Variants in CYTH1 observed in about 807,000 individuals in gnomAD.
CYTH1 encodes the protein cytohesin 1.
A neutral mutation model predicts 61.8 loss-of-function variants in CYTH1; 18 were observed. The ratio of observed to expected loss-of-function variants is 0.29; its 90% confidence interval spans 0.20 to 0.43. CYTH1 has a LOEUF of 0.43. Ranked by LOEUF, CYTH1 falls within the 20% of genes least tolerant of loss-of-function variation. CYTH1 has a pLI of 1.00. For missense variants in CYTH1, 336 were observed against 510.5 expected, an observed-to-expected ratio of 0.66 and a Z score of 3.29; for synonymous variants, 174 against 184.3, an observed-to-expected ratio of 0.94 and a Z score of 0.45.
intron 1 of CYTH1, among the ~76,000 whole-genome samples, chr17:78,715,800 T>C (rs1460869500): frequency 6.6e-6 from 1 of 152,180 alleles, no homozygotes; most frequent in Non-Finnish European, 1.5e-5. Context: ...GTCATGGTGC[T>C]GGTCGCTGGT....
intron 3 of CYTH1, among the ~76,000 whole-genome samples, chr17:78,707,331 G>C (rs573355767): frequency 1.1e-4 from 16 of 152,146 alleles, no homozygotes; most frequent in African/African-American, 3.9e-4. Context: ...GTCAGAAAAC[G>C]GTCTGGGAAC....
At chr17:78,778,025 G>A (rs1422202773) in intron 1 of CYTH1, among the ~76,000 whole-genome samples, 1 of 152,080 alleles carries the variant, frequency 6.6e-6, no homozygotes, top group African/African-American at 2.4e-5. Flanking sequence ...GGTTTAGGCT[G>A]GGCTTGGTGG....
chr17:78,734,761 A>G (rs1364638225), intron 1 of CYTH1, among the ~76,000 whole-genome samples: 1 of 152,096 alleles, frequency 6.6e-6, no homozygotes, highest in Non-Finnish European at 1.5e-5. Context: ...TTTTTAACCT[A>G]AAAATTGTGG....
At chr17:78,716,280 G>C (rs1598874196) in intron 1 of CYTH1, among the ~76,000 whole-genome samples, 1 of 152,152 alleles carries the variant, frequency 6.6e-6, no homozygotes, top group African/African-American at 2.4e-5. Context: ...TGGGAATAGA[G>C]AGACAGGACA....
chr17:78,722,226 C>G (rs2093234881), intron 1 of CYTH1, among the ~76,000 whole-genome samples: 1 of 152,158 alleles, frequency 6.6e-6, no homozygotes, highest in Admixed American at 6.5e-5. Context: ...TAGAAAACAA[C>G]CATTTTAAGA....
At position 78,698,904 on chromosome 17, in the gene CYTH1, G is replaced by C; in HGVS notation, c.615C>G (p.Val205=). The C allele has an allele frequency of 6.2e-7, 1 of 1,612,132 alleles. No individual in the cohort carries two copies. Among genetic ancestry groups the C allele is most frequent in the Non-Finnish European group, 8.5e-7 (1 of 1,179,354 alleles). ...ACCTCTCCACAGTGGGCTTATCTTT[G>C]ACATTGGGGTTGTGCAGACTGGTGT... ...MLNTSLHNPN[V]KDKPTVERFI... The change falls in exon 8 of 14, where the codon GTC becomes GTG. Residue 205 remains valine (V), a synonymous_variant. Coordinates refer to ENST00000446868, the MANE Select transcript of CYTH1 (RefSeq NM_004762.6).
chr17:78,692,192 C>T (rs1422845386), intron 11 of CYTH1, among the ~76,000 whole-genome samples: 5 of 152,194 alleles, frequency 3.3e-5, no homozygotes, highest in South Asian at 4.1e-4. Flanking sequence ...CCACCAGAAC[C>T]GGGTGCCTGC....
At chr17:78,736,941 A>G (rs2093323150) in intron 1 of CYTH1, 1 of 157,950 alleles carries the variant, frequency 6.3e-6, no homozygotes, top group Non-Finnish European at 1.4e-5. Context: ...AAGAAGCGGC[A>G]CTCCCAGTCA....
At chr17:78,760,498 C>CATACAT (rs2093422293) in intron 1 of CYTH1, among the ~76,000 whole-genome samples, 1 of 39,452 alleles carries the variant, frequency 2.5e-5, no homozygotes, top group Non-Finnish European at 4.4e-5. Flanking sequence ...TATATATATA[C>CATACAT]ATATATATGT....
chr17:78,768,559 A>G (rs2093458037), intron 1 of CYTH1, among the ~76,000 whole-genome samples: 1 of 152,114 alleles, frequency 6.6e-6, no homozygotes, highest in African/African-American at 2.4e-5. Flanking sequence ...TGTCTCTTTC[A>G]TCTCCTTTCA....
At chr17:78,687,613 A>C (rs568523003) in intron 11 of CYTH1, among the ~76,000 whole-genome samples, 57 of 152,316 alleles carry the variant, frequency 3.7e-4, no homozygotes, top group African/African-American at 1.2e-3. Context: ...GGGGCAAAGA[A>C]GGCCCTGGCT....
chr17:78,756,367 C>T (rs1450482494), intron 1 of CYTH1, among the ~76,000 whole-genome samples: 5 of 152,100 alleles, frequency 3.3e-5, no homozygotes, highest in South Asian at 2.1e-4. Context: ...TGAGCCACCG[C>T]GCCCAGCCAA....
intron 1 of CYTH1, among the ~76,000 whole-genome samples, chr17:78,777,129 A>C (rs1333544200): frequency 2.7e-5 from 4 of 147,058 alleles, no homozygotes; most frequent in African/African-American, 4.9e-5. Context: ...CTGTCTCACA[A>C]AAAAAAAAAA....
At chr17:78,702,648 G>C (rs377321769) in intron 3 of CYTH1, 44 bp from the exon 4 acceptor site, 2 of 1,580,640 alleles carry the variant, frequency 1.3e-6, no homozygotes, top group South Asian at 2.2e-5. Flanking sequence ...TCAGGCCATC[G>C]GAAAGGCTTG....
intron 1 of CYTH1, among the ~76,000 whole-genome samples, chr17:78,744,850 A>T (rs1400898071): frequency 6.6e-6 from 1 of 151,496 alleles, no homozygotes; most frequent in African/African-American, 2.4e-5. Flanking sequence ...GATGTCAAAA[A>T]AAAAAAAAAA....
rs867166687 is a variant in CYTH1, at chr17:78,749,665, T to A, written c.22+32537A>T. ...ATAATAACAAATAAAAATAAAAAAA[T>A]AAAAAAAAACCTAACTAAGCAGAAA... On this transcript the variant is annotated intron_variant, in intron 1 of 13. Coordinates refer to ENST00000446868, the MANE Select transcript of CYTH1 (RefSeq NM_004762.6). Among the ~76,000 whole-genome samples the A allele has an allele frequency of 7.4e-3, 1,109 of 150,280 alleles. 17 individuals are homozygous for A. Among genetic ancestry groups the A allele is most frequent in the African/African-American group, 0.025 (1,028 of 40,698 alleles).
At chr17:78,750,966 CTTAT>C (rs920511726) in intron 1 of CYTH1, among the ~76,000 whole-genome samples, 3 of 151,976 alleles carry the variant, frequency 2.0e-5, no homozygotes, top group Admixed American at 6.6e-5. Context: ...TTAAAGATGG[CTTAT>C]TTAATATATA....
At position 78,698,140 on chromosome 17, in the gene CYTH1, C is replaced by T. The variant is rs1305658895; in HGVS notation, c.811+129G>A. The T allele has an allele frequency of 9.0e-6, 7 of 773,898 alleles. No individual in the cohort carries two copies. In the East Asian group the frequency reaches 1.3e-4, roughly 14 times the overall value. The allele number at this position is 773,898 out of a possible 1,614,324, so 47.9% of individuals were successfully genotyped here. Reference sequence around the variant, plus strand: ...GTGAACATGCATGCGCGTGCACACACACGCACGCGCACACATGCACACGCA... The same window carrying T: ...GTGAACATGCATGCGCGTGCACACATACGCACGCGCACACATGCACACGCA... On this transcript the variant is annotated intron_variant, in intron 9 of 13. Transcript: ENST00000446868.
At chr17:78,742,398 C>CA (rs2093344966) in intron 1 of CYTH1, among the ~76,000 whole-genome samples, 1 of 152,116 alleles carries the variant, frequency 6.6e-6, no homozygotes, top group Non-Finnish European at 1.5e-5. Context: ...CCTGTCTCTA[C>CA]AAAAAATGTA....
Sources: allele counts gnomAD v4.1 joint callset (sites outside exome capture counted in the v4.1 genomes callset), GRCh38; gene constraint gnomAD v4.1.1; transcripts MANE v1.5; gene names NCBI Gene and HGNC (gene_info 2026-07-23, HGNC 2026-07-21).